The following LRRC69 variants were observed in gnomAD, a reference collection of about 807,000 sequenced individuals.
LRRC69 encodes the protein leucine rich repeat containing 69, also known as leucine-rich repeat-containing protein 69.
In LRRC69, 42 loss-of-function variants were observed where a neutral mutation model predicts 37.8. That is an observed-to-expected ratio of 1.11 (90% confidence interval 0.87 to 1.44). LRRC69 has a LOEUF of 1.44. Among genes scored for constraint, LRRC69 ranks in the 40% most tolerant of loss-of-function variants. The pLI is 0.00. For missense variants in LRRC69, 357 were observed against 401.9 expected (o/e 0.89, Z 0.96); for synonymous variants, 141 against 143.1 (o/e 0.99, Z 0.11).
chr8:91,179,647 A>G (rs1440159300), intron 5 of LRRC69, among the ~76,000 whole-genome samples: 1 of 152,236 alleles, frequency 6.6e-6, no homozygotes, highest in Non-Finnish European at 1.5e-5. Context: ...TATTATCTGC[A>G]TTGGTCTTTT....
chr8:91,132,833 G>T (rs1468103513), intron 3 of LRRC69, among the ~76,000 whole-genome samples: 1 of 151,864 alleles, frequency 6.6e-6, no homozygotes, highest in Non-Finnish European at 1.5e-5. Context: ...TATGTATAAA[G>T]AAAGGAAATA....
intron 5 of LRRC69, among the ~76,000 whole-genome samples, chr8:91,162,697 T>C (rs1039395197): frequency 8.6e-5 from 13 of 151,298 alleles, no homozygotes; most frequent in African/African-American, 2.7e-4. Flanking sequence ...CTTATGTTTT[T>C]ATCCATTCAG....
At chr8:91,127,195 C>G (rs115795833) in intron 3 of LRRC69, 35 bp downstream of exon 3, 11 of 1,461,044 alleles carry the variant, frequency 7.5e-6, no homozygotes, top group Non-Finnish European at 1.0e-5. Context: ...GGTTAACAAT[C>G]GTGCCCCTCC....
intron 7 of LRRC69, chr8:91,206,914 C>A: frequency 8.9e-7 from 1 of 1,127,978 alleles, no homozygotes; most frequent in Non-Finnish European, 1.2e-6. Context: ...CATGTTATTC[C>A]TGATCCTTAA....
chr8:91,206,352 C>T (rs2130637111), intron 7 of LRRC69, among the ~76,000 whole-genome samples: 1 of 152,244 alleles, frequency 6.6e-6, no homozygotes, highest in Non-Finnish European at 1.5e-5. Context: ...TTAAAACCAG[C>T]TGGACCTTAA....
At position 91,200,896 on chromosome 8, in the gene LRRC69, TATAGG is replaced by T. The variant is rs553269077; in HGVS notation, c.933+109_933+113del. ...ACTAGATTTGTACCTATGATTGGCT[TATAGG>T]ATAGTATACTGTAAATTTTGGATAG... is the stretch of plus-strand genomic sequence containing the variant. On this transcript the variant is annotated intron_variant, in intron 7 of 7. Coordinates refer to ENST00000448384, the Ensembl canonical transcript of LRRC69. 1,203 of 1,040,766 alleles carry T rather than the reference TATAGG, an allele frequency of 1.2e-3. 7 individuals are homozygous for T. The African/African-American group carries it at 0.018, about 15-fold the overall frequency. The allele number at this position is 1,040,766 out of a possible 1,614,324, so 64.5% of individuals were successfully genotyped here.
intron 5 of LRRC69, among the ~76,000 whole-genome samples, chr8:91,187,569 G>A (rs1442958507): frequency 1.6e-4 from 24 of 152,172 alleles, no homozygotes. Context: ...AGATTACAGT[G>A]GTTCCCTCAG....
At chr8:91,166,073 A>G (rs1809022967) in intron 5 of LRRC69, among the ~76,000 whole-genome samples, 1 of 151,840 alleles carries the variant, frequency 6.6e-6, no homozygotes, top group Non-Finnish European at 1.5e-5. Flanking sequence ...CCAGTTTTGC[A>G]ACTTTCTAAC....
chr8:91,176,134 A>ATATATTTTTTTTTTTTT lies in LRRC69; in HGVS notation c.652-13387_652-13386insATATTTTTTTTTTTTTT. 2.2e-3 allele frequency among the ~76,000 whole-genome samples: 163 copies of ATATATTTTTTTTTTTTT among 75,656 alleles called. 6 individuals are homozygous for ATATATTTTTTTTTTTTT. Among genetic ancestry groups the ATATATTTTTTTTTTTTT allele is most frequent in the African/African-American group, 9.0e-3 (147 of 16,398 alleles). 49.6% of individuals were successfully genotyped at this position (75,656 alleles called of 152,430 possible). ...ATCCCTCATATATATATATATATAT[A>ATATATTTTTTTTTTTTT]TTTTTTTTTTTTCTTTTTTTTGAGA... On this transcript the variant is annotated intron_variant, in intron 5 of 7. Transcript: ENST00000448384.
At chr8:91,191,980 T>C (rs887130286) in intron 6 of LRRC69, among the ~76,000 whole-genome samples, 1 of 145,468 alleles carries the variant, frequency 6.9e-6, no homozygotes, top group Non-Finnish European at 1.5e-5. Context: ...TATCTCCCAA[T>C]GCTATCCCTC....
chr8:91,176,134 A>ATATATATAT, intron 5 of LRRC69, among the ~76,000 whole-genome samples: 4 of 75,706 alleles, frequency 5.3e-5, no homozygotes, highest in Admixed American at 1.4e-4. Flanking sequence ...ATATATATAT[A>ATATATATAT]TTTTTTTTTT....
At chr8:91,134,875 C>T (rs145796898) in intron 4 of LRRC69, among the ~76,000 whole-genome samples, 26 of 152,152 alleles carry the variant, frequency 1.7e-4, no homozygotes, top group Non-Finnish European at 3.5e-4. Flanking sequence ...TCTCATAGCA[C>T]AACTTTGTCC....
At chr8:91,156,485 A>G (rs1296412514) in intron 5 of LRRC69, among the ~76,000 whole-genome samples, 1 of 150,960 alleles carries the variant, frequency 6.6e-6, no homozygotes, top group African/African-American at 2.4e-5. Flanking sequence ...CACTTGTAGG[A>G]TGAATGGCTT....
At chr8:91,218,898 G>C (rs906176178) in exon 8 of LRRC69, 73 of 1,545,460 alleles carry the variant, frequency 4.7e-5, no homozygotes, top group Non-Finnish European at 6.3e-5. Context: ...AGGACTGGAA[G>C]ATAAGCAAGA....
chr8:91,128,604 A>G (rs1287747063), intron 3 of LRRC69, among the ~76,000 whole-genome samples: 1 of 152,064 alleles, frequency 6.6e-6, no homozygotes, highest in African/African-American at 2.4e-5. Flanking sequence ...AATGAGGATG[A>G]TGATAGTATT....
At chr8:91,137,347 G>C (rs1808440450) in intron 5 of LRRC69, among the ~76,000 whole-genome samples, 1 of 151,830 alleles carries the variant, frequency 6.6e-6, no homozygotes, top group African/African-American at 2.4e-5. Context: ...GTATTTCTAT[G>C]GTATGCTTGA....
At chr8:91,173,818 C>T (rs1215681898) in intron 5 of LRRC69, among the ~76,000 whole-genome samples, 1 of 151,972 alleles carries the variant, frequency 6.6e-6, no homozygotes, top group Non-Finnish European at 1.5e-5. Flanking sequence ...TATAAGGGCT[C>T]AACCCTCACA....
At chr8:91,109,514 G>A (rs1432832104) in intron 1 of LRRC69, among the ~76,000 whole-genome samples, 4 of 152,006 alleles carry the variant, frequency 2.6e-5, no homozygotes, top group Non-Finnish European at 5.9e-5. Flanking sequence ...TTAATTGAAT[G>A]TTAAAATTTT....
intron 7 of LRRC69, among the ~76,000 whole-genome samples, chr8:91,214,592 G>A (rs1461236409): frequency 2.0e-5 from 3 of 152,078 alleles, no homozygotes; most frequent in African/African-American, 7.2e-5. Context: ...CCTAAGGTAA[G>A]TCATCTACCT....
Sources: gnomAD v4.1 joint callset for allele counts (sites outside exome capture counted in the v4.1 genomes callset) on GRCh38, gnomAD v4.1.1 for gene constraint, MANE v1.5 for transcripts, NCBI Gene and HGNC (gene_info 2026-07-23, HGNC 2026-07-21) for gene names.